Variants in GAL3ST2 observed in about 807,000 individuals in gnomAD.
GAL3ST2 encodes the protein beta-galactose-3-O-sulfotransferase 2.
A neutral mutation model predicts 12.9 loss-of-function variants in GAL3ST2; 16 were observed. That is an observed-to-expected ratio of 1.24 (90% CI 0.84 to 1.88). The LOEUF is 1.88. Among genes scored for constraint, GAL3ST2 ranks in the 40% most tolerant of loss-of-function variants. The probability of loss-of-function intolerance (pLI) is 0.00; values close to 1 mark genes in which losing one functional copy is unlikely to be tolerated. For missense variants in GAL3ST2, 639 were observed against 571.8 expected, an observed-to-expected ratio of 1.12 and a Z score of -1.20; for synonymous variants, 302 against 273.9, an observed-to-expected ratio of 1.10 and a Z score of -1.01.
In GAL3ST2 at chr2:241,802,035, A is replaced by T. The variant is rs1449717488; in HGVS notation, c.374A>T (p.Gln125Leu). 1 of 1,608,092 alleles carries T rather than the reference A, an allele frequency of 6.2e-7. No individual in the cohort carries two copies. Residue 125 changes from glutamine (Q) to leucine (L), a missense_variant and splice_region_variant, in exon 3 of 4, where the codon CAG (glutamine) becomes CTG (leucine). By Grantham distance (113) the Gln-to-Leu change is moderately radical. Coordinates refer to ENST00000192314, the MANE Select transcript of GAL3ST2 (RefSeq NM_022134.3). This position sits in a 1 kb window ranked among gnomAD's most constrained non-coding sequence, Gnocchi z 4.8. ...MCNHLRFNLP[Q>L]VQKVMPNDTF... ...AACCACCTGAGGTTCAACCTGCCTC[A>T]GGTACCGCGGGCCTGCTGGGGAGGA...
chr2:241,787,648 C>T (rs1009334696), intron 1 of GAL3ST2, among the ~76,000 whole-genome samples: 2 of 151,282 alleles, frequency 1.3e-5, no homozygotes, highest in African/African-American at 4.9e-5. Flanking sequence ...TTTGAGCTCA[C>T]TTCCAACAGA....
In GAL3ST2 at chr2:241,801,573, T is replaced by G; in HGVS notation, c.120-208T>G. 1.6e-6 allele frequency: 1 copy of G among 614,678 alleles called. No homozygotes were observed. Among genetic ancestry groups the G allele is most frequent in the Non-Finnish European group, 2.8e-6 (1 of 355,946 alleles). 38.1% of individuals were successfully genotyped at this position (614,678 alleles called of 1,614,324 possible). A position where few individuals can be genotyped will look rare whatever the true frequency, so the allele number is the denominator to read the frequency against. The stretch of plus-strand genomic sequence containing the variant: ...GGTTACGGGAGACAGTTGGGGGAGT[T>G]TGTGTTCGGGCCACCAGCTGGGAGG... On this transcript the variant is annotated intron_variant, in intron 2 of 3. Transcript: ENST00000192314. The surrounding 1 kb of genome is among the most constrained non-coding windows in gnomAD (Gnocchi z 4.4).
intron 1 of GAL3ST2, among the ~76,000 whole-genome samples, chr2:241,792,604 A>G (rs575230726): frequency 6.6e-6 from 1 of 152,268 alleles, no homozygotes; most frequent in East Asian, 1.9e-4. Context: ...CCTGCTAAAA[A>G]TGAGCTTTCC....
At position 241,803,366 on chromosome 2, in the gene GAL3ST2, G is replaced by A. The variant is rs752191205; in HGVS notation, c.397G>A (p.Asp133Asn). ...ACAGGTGCAGAAAGTCATGCCCAAC[G>A]ACACCTTCTACTTCTCCATCCTGAG... The part of the protein sequence containing the change: ...LPQVQKVMPN[D>N]TFYFSILRNP... The change falls in exon 4 of 4, where the codon GAC (aspartate) becomes AAC (asparagine). Residue 133 changes from aspartate to asparagine, a missense_variant. Asp to Asn is a conservative substitution (Grantham distance 23). Transcript: ENST00000192314. 3.7e-6 allele frequency: 6 copies of A among 1,602,922 alleles called. No homozygotes were observed. In the African/African-American group the frequency reaches 8.0e-5, roughly 21 times the overall value.
intron 1 of GAL3ST2, among the ~76,000 whole-genome samples, chr2:241,782,568 CA>C (rs1699577982): frequency 6.6e-6 from 1 of 152,126 alleles, no homozygotes; most frequent in Admixed American, 6.6e-5. Context: ...TCAGGTGATC[CA>C]TGTGTCTTGG....
intron 1 of GAL3ST2, among the ~76,000 whole-genome samples, chr2:241,794,940 T>G (rs189120673): frequency 6.6e-6 from 1 of 152,096 alleles, no homozygotes; most frequent in Non-Finnish European, 1.5e-5. Flanking sequence ...TTTAACAGCC[T>G]TATTGAGATG....
At chr2:241,779,711 C>T (rs1395182291) in intron 1 of GAL3ST2, among the ~76,000 whole-genome samples, 5 of 151,646 alleles carry the variant, frequency 3.3e-5, no homozygotes, top group African/African-American at 4.8e-5. Context: ...TGTGGCCGGG[C>T]GCGGTGGCTC....
rs747993548 is a variant in GAL3ST2, at chr2:241,801,763, G to A, written c.120-18G>A. On this transcript the variant is annotated intron_variant, in intron 2 of 3. Transcript: ENST00000192314. This position sits in a 1 kb window ranked among gnomAD's most constrained non-coding sequence, Gnocchi z 4.4. ...CATCTGCACCCTTGCTGAAGGCTGCGTGTGCCTTCCCTCCCAGCCTGTTTG... is the reference window on the plus strand; with the variant it reads ...CATCTGCACCCTTGCTGAAGGCTGCATGTGCCTTCCCTCCCAGCCTGTTTG... The A allele has an allele frequency of 3.7e-6, 6 of 1,609,062 alleles. No individual in the cohort carries two copies. The highest frequency in any genetic ancestry group is 4.5e-5 in the East Asian group (2 of 44,800).
chr2:241,803,866 G>A lies in GAL3ST2; in HGVS notation c.897G>A (p.Gly299=). The change falls in exon 4 of 4, where the codon GGG becomes GGA. Residue 299 remains glycine, a synonymous_variant. Transcript: ENST00000192314. ...TLWAQLRAEL[G]PRRLRGEVER... is the part of the protein sequence containing the mutation. The stretch of plus-strand genomic sequence containing the variant: ...GGGCGCAGCTGCGCGCCGAGCTGGG[G>A]CCGCGGCGGCTGCGCGGGGAGGTGG... 2.1e-6 allele frequency: 3 copies of A among 1,429,500 alleles called. No individual in the cohort carries two copies. The highest frequency in any genetic ancestry group is 2.7e-6 in the Non-Finnish European group (3 of 1,101,506). 88.6% of individuals were successfully genotyped at this position (1,429,500 alleles called of 1,614,324 possible).
In GAL3ST2 at chr2:241,793,348, ATGTG is replaced by A. The variant is rs142938346; in HGVS notation, c.30-5711_30-5708del. The stretch of plus-strand genomic sequence containing the variant: ...TGTGTATGTGTATGTATCTGTATGT[ATGTG>A]TGTGTATTGTGTGTGTATGTATGTA... On this transcript the variant is annotated intron_variant, in intron 1 of 3. Transcript: ENST00000192314. This position sits in a 1 kb window ranked among gnomAD's most constrained non-coding sequence, Gnocchi z 4.7. 0.021 allele frequency among the ~76,000 whole-genome samples: 3,190 copies of A among 151,904 alleles called. 178 individuals carry two copies. The highest frequency in any genetic ancestry group is 0.11 in the Admixed American group (1,644 of 15,252).
intron 1 of GAL3ST2, 92 bp downstream of exon 1, chr2:241,777,076 C>G: frequency 8.9e-7 from 1 of 1,125,570 alleles, no homozygotes; most frequent in Non-Finnish European, 1.2e-6. Context: ...GTTTGTCTTT[C>G]GAAGGAAGTG....
Position 241,804,226 on chromosome 2 carries a change from G to A in GAL3ST2, c.*60G>A, listed in dbSNP as rs1430861902. On this transcript the variant is annotated 3_prime_UTR_variant, in exon 4 of 4. Transcript: ENST00000192314. The stretch of plus-strand genomic sequence containing the variant: ...ACCAGCTCCTCTCTCCGCCGTCACC[G>A]GGGAGGCCGGGGATCCTTGCAGGGC... 4.6e-6 allele frequency: 6 copies of A among 1,315,082 alleles called. No homozygotes were observed. In the East Asian group the frequency reaches 9.3e-5, roughly 20 times the overall value. The allele number at this position is 1,315,082 out of a possible 1,614,324, so 81.5% of individuals were successfully genotyped here.
chr2:241,784,323 A>G (rs1699603184), intron 1 of GAL3ST2, among the ~76,000 whole-genome samples: 1 of 152,210 alleles, frequency 6.6e-6, no homozygotes, highest in African/African-American at 2.4e-5. Context: ...GTGAGCCACC[A>G]TGCCCGGCCT....
chr2:241,784,437 T>A (rs1699603922), intron 1 of GAL3ST2, among the ~76,000 whole-genome samples: 1 of 152,184 alleles, frequency 6.6e-6, no homozygotes, highest in South Asian at 2.1e-4. Flanking sequence ...TTATATTATT[T>A]GGCAGAGATA....
intron 1 of GAL3ST2, among the ~76,000 whole-genome samples, chr2:241,777,515 G>T (rs775074667): frequency 1.3e-5 from 2 of 152,182 alleles, no homozygotes; most frequent in Non-Finnish European, 2.9e-5. Flanking sequence ...GGTTTGGAGG[G>T]GTGGTGGGTG....
In GAL3ST2 at chr2:241,793,557, A is replaced by G. The variant is rs117197875; in HGVS notation, c.30-5508A>G. On this transcript the variant is annotated intron_variant, in intron 1 of 3. Coordinates refer to ENST00000192314, the MANE Select transcript of GAL3ST2 (RefSeq NM_022134.3). The surrounding 1 kb of genome is among the most constrained non-coding windows in gnomAD (Gnocchi z 4.7). ...TATATGTATGTGTGTATATGTATGT[A>G]TGTGTATATGTGTGCGTATATGTGT... 2.7e-4 allele frequency among the ~76,000 whole-genome samples: 41 copies of G among 150,956 alleles called. 1 individual carries two copies. In the East Asian group the frequency reaches 7.4e-3, roughly 27 times the overall value.
At chr2:241,797,938 G>A (rs1003763636) in intron 1 of GAL3ST2, among the ~76,000 whole-genome samples, 5 of 152,184 alleles carry the variant, frequency 3.3e-5, no homozygotes, top group Admixed American at 6.5e-5. Context: ...CCGAGTGCAG[G>A]TGTGGTGTCT....
chr2:241,783,708 C>T (rs1176020959), intron 1 of GAL3ST2, among the ~76,000 whole-genome samples: 2 of 152,126 alleles, frequency 1.3e-5, no homozygotes, highest in African/African-American at 2.4e-5. Context: ...TTTATGAAAA[C>T]TGTGATATTC....
chr2:241,799,226 C>G (rs529500726), intron 2 of GAL3ST2, 72 bp downstream of exon 2: 14 of 1,331,154 alleles, frequency 1.1e-5, no homozygotes, highest in Non-Finnish European at 1.5e-5. Flanking sequence ...GCCTGGGACC[C>G]CAGCATGATC....
Sources: gnomAD v4.1 joint callset for allele counts (sites outside exome capture counted in the v4.1 genomes callset) on GRCh38, gnomAD v4.1.1 for gene constraint, Gnocchi (gnomAD v3.1) non-coding constraint, MANE v1.5 for transcripts, NCBI Gene and HGNC (gene_info 2026-07-23, HGNC 2026-07-21) for gene names.